The following UVRAG variants were observed in gnomAD, a reference collection of about 807,000 sequenced individuals.
UVRAG encodes UV radiation resistance-associated gene protein.
A neutral mutation model predicts 78.0 loss-of-function variants in UVRAG; 19 were observed. The observed-to-expected ratio is 0.24, with a 90% CI of 0.17 to 0.36. The LOEUF (loss-of-function observed/expected upper bound fraction) is 0.36, where lower values mean the gene tolerates loss of function less well. Ranked by LOEUF, UVRAG falls within the 10% of genes least tolerant of loss-of-function variation. UVRAG has a pLI of 1.00. For synonymous variants in UVRAG, 323 were observed against 324.6 expected, an observed-to-expected ratio of 1.00 and a Z score of 0.05; for missense variants, 740 against 853.8, an observed-to-expected ratio of 0.87 and a Z score of 1.66.
At chr11:75,998,737 T>C (rs1346838887) in intron 8 of UVRAG, among the ~76,000 whole-genome samples, 1 of 152,224 alleles carries the variant, frequency 6.6e-6, no homozygotes, top group African/African-American at 2.4e-5. Context: ...AAATCGTTAA[T>C]GACCAAGTGT....
intron 3 of UVRAG, among the ~76,000 whole-genome samples, chr11:75,871,378 C>T (rs747494368): frequency 6.6e-6 from 1 of 151,574 alleles, no homozygotes; most frequent in African/African-American, 2.4e-5. Flanking sequence ...CCTCTGCCTC[C>T]CAGGTTCAAG....
intron 13 of UVRAG, among the ~76,000 whole-genome samples, chr11:76,069,114 T>C (rs1951252483): frequency 6.6e-6 from 1 of 152,220 alleles, no homozygotes; most frequent in African/African-American, 2.4e-5. Flanking sequence ...ACTTTTTTGG[T>C]AGAGGAAATG....
At chr11:75,874,840 A>G (rs1385613592) in intron 3 of UVRAG, among the ~76,000 whole-genome samples, 1 of 152,196 alleles carries the variant, frequency 6.6e-6, no homozygotes, top group Non-Finnish European at 1.5e-5. Context: ...ACGTGGCTTC[A>G]TTATAGCACT....
chr11:76,080,985 C>G (rs559787513), intron 13 of UVRAG, among the ~76,000 whole-genome samples: 9 of 152,254 alleles, frequency 5.9e-5, no homozygotes, highest in African/African-American at 2.2e-4. Flanking sequence ...CGTTGTAAAA[C>G]GTAATGCTAA....
chr11:75,859,514 A>G (rs555729811), intron 2 of UVRAG, among the ~76,000 whole-genome samples: 97 of 151,980 alleles, frequency 6.4e-4, no homozygotes, highest in Middle Eastern at 6.8e-3. Context: ...AACTTAAACA[A>G]TAACAATAAA....
intron 6 of UVRAG, among the ~76,000 whole-genome samples, chr11:75,960,940 G>T (rs552228647): frequency 8.2e-4 from 125 of 152,248 alleles, no homozygotes; most frequent in Non-Finnish European, 1.5e-3. Flanking sequence ...CTATTACTTT[G>T]TCTTTTCTAT....
At chr11:75,896,821 G>T (rs940834303) in intron 5 of UVRAG, among the ~76,000 whole-genome samples, 1 of 152,092 alleles carries the variant, frequency 6.6e-6, no homozygotes, top group Non-Finnish European at 1.5e-5. Flanking sequence ...ACTCATATTG[G>T]CATAATTACT....
intron 12 of UVRAG, among the ~76,000 whole-genome samples, chr11:76,056,507 C>G (rs1393407089): frequency 6.6e-6 from 1 of 152,182 alleles, no homozygotes; most frequent in Non-Finnish European, 1.5e-5. Context: ...CATCTTAAGT[C>G]TCTTTTAATC....
At chr11:75,877,969 A>C (rs1311009979) in intron 3 of UVRAG, among the ~76,000 whole-genome samples, 1 of 128,942 alleles carries the variant, frequency 7.8e-6, no homozygotes, top group East Asian at 2.3e-4. Flanking sequence ...GCTGACCCCC[A>C]CCTCCCTCCC....
intron 3 of UVRAG, among the ~76,000 whole-genome samples, chr11:75,863,186 C>T (rs1052760384): frequency 6.6e-6 from 1 of 152,214 alleles, no homozygotes; most frequent in African/African-American, 2.4e-5. Flanking sequence ...TTGAGTCCAT[C>T]TCTGGGGAGG....
Position 76,142,036 on chromosome 11 carries a change from C to A in UVRAG, c.*623C>A, listed in dbSNP as rs1340082059. On this transcript the variant is annotated 3_prime_UTR_variant, in exon 15 of 15. Transcript: ENST00000356136. ...CGTCCTGAAAACAGGACATCAGATTCACTGGTTCTGTAACCCAGTAGCTGT... is the reference window on the plus strand; with the variant it reads ...CGTCCTGAAAACAGGACATCAGATTAACTGGTTCTGTAACCCAGTAGCTGT... The A allele has an allele frequency of 1.3e-5, 2 of 152,556 alleles. No individual in the cohort carries two copies. The highest frequency in any genetic ancestry group is 4.1e-4 in the South Asian group (2 of 4,832). 9.5% of individuals were successfully genotyped at this position (152,556 alleles called of 1,614,324 possible).
At chr11:76,000,758 A>T (rs575194538) in intron 8 of UVRAG, among the ~76,000 whole-genome samples, 3 of 152,354 alleles carry the variant, frequency 2.0e-5, no homozygotes, top group Admixed American at 2.0e-4. Flanking sequence ...AACAAGGATT[A>T]CTACCTGGAA....
At chr11:75,897,871 A>ATTTTTTTTTTTTTTTTTTTTTT (rs146122619) in intron 5 of UVRAG, among the ~76,000 whole-genome samples, 1 of 108,898 alleles carries the variant, frequency 9.2e-6, no homozygotes, top group African/African-American at 4.0e-5. Context: ...TAGCTCTTTA[A>ATTTTTTTTTTTTTTTTTTTTTT]TTTTTTTTTT....
chr11:75,920,021 T>TTTTTG (rs1947943612), intron 6 of UVRAG, among the ~76,000 whole-genome samples: 1 of 98,652 alleles, frequency 1.0e-5, no homozygotes, highest in Non-Finnish European at 1.9e-5. Flanking sequence ...TTTTTTTTTT[T>TTTTTG]TTTTTTTTTT....
intron 8 of UVRAG, among the ~76,000 whole-genome samples, chr11:76,003,256 G>A (rs538903723): frequency 1.2e-5 from 1 of 86,748 alleles, no homozygotes; most frequent in African/African-American, 4.6e-5. Context: ...CGAAAATACT[G>A]ATTTTTTTTT....
intron 1 of UVRAG, among the ~76,000 whole-genome samples, chr11:75,821,912 C>T (rs1270054307): frequency 3.4e-5 from 5 of 148,368 alleles, no homozygotes; most frequent in Admixed American, 6.7e-5. Context: ...TCATATATTA[C>T]GTACATATTA....
chr11:76,134,806 C>G (rs1336477023), intron 14 of UVRAG, among the ~76,000 whole-genome samples: 3 of 152,182 alleles, frequency 2.0e-5, no homozygotes, highest in African/African-American at 7.2e-5. Flanking sequence ...TGTAGTCGAT[C>G]TATTTTATAA....
chr11:75,818,044 A>AG (rs1945298849), intron 1 of UVRAG, among the ~76,000 whole-genome samples: 1 of 151,428 alleles, frequency 6.6e-6, no homozygotes, highest in African/African-American at 2.4e-5. Flanking sequence ...TGGGTGACAG[A>AG]GTGAGACTCT....
chr11:75,824,766 C>T (rs1193464643), intron 1 of UVRAG, among the ~76,000 whole-genome samples: 2 of 151,076 alleles, frequency 1.3e-5, no homozygotes, highest in South Asian at 2.1e-4. Context: ...CTCCGCCTCC[C>T]GGGTTCACGC....
Sources: allele counts gnomAD v4.1 joint callset (sites outside exome capture counted in the v4.1 genomes callset), GRCh38; gene constraint gnomAD v4.1.1; transcripts MANE v1.5; gene names NCBI Gene and HGNC (gene_info 2026-07-23, HGNC 2026-07-21).